COL11A1: variants seen among roughly 807,000 people sequenced by gnomAD.
The protein encoded by COL11A1 is collagen type XI alpha 1 chain.
COL11A1 carries 74 observed loss-of-function variants against 265.2 expected under a neutral mutation model. The ratio of observed to expected loss-of-function variants is 0.28; its 90% CI spans 0.23 to 0.34. The LOEUF is 0.34. Among genes scored for constraint, COL11A1 ranks in the 10% least tolerant of loss-of-function variants. The pLI, the probability that COL11A1 is intolerant of heterozygous loss-of-function variation, is 1.00. For missense variants in COL11A1, 2,165 were observed against 2,263.6 expected, an observed-to-expected ratio of 0.96 and a Z score of 0.88; for synonymous variants, 816 against 727.6, an observed-to-expected ratio of 1.12 and a Z score of -1.96.
At position 102,914,397 on chromosome 1, in the gene COL11A1, A is replaced by T; in HGVS notation, c.3933T>A (p.Val1311=). The T allele has an allele frequency of 6.2e-7, 1 of 1,607,822 alleles. No individual in the cohort carries two copies. Among genetic ancestry groups the T allele is most frequent in the Non-Finnish European group, 8.5e-7 (1 of 1,176,150 alleles). Residue 1311 remains valine, a synonymous_variant, in exon 52 of 67, where the codon GTT becomes GTA. Transcript: ENST00000370096. ...DDGPKGNPGP[V]GFPGDPGPPG... is the part of the protein sequence containing the mutation. ...GAGGACCAGGATCTCCAGGAAAACC[A>T]ACAGGACCCTAGAATGACGTTTTGA... is the stretch of plus-strand genomic sequence containing the variant.
chr1:103,046,804 A>C (rs1011897279), intron 4 of COL11A1, among the ~76,000 whole-genome samples: 2 of 151,372 alleles, frequency 1.3e-5, no homozygotes, highest in African/African-American at 2.4e-5. Context: ...GAAGGGATCC[A>C]GTTTCAGCTT....
intron 4 of COL11A1, among the ~76,000 whole-genome samples, chr1:103,039,162 C>G (rs1668615021): frequency 6.6e-6 from 1 of 152,146 alleles, no homozygotes. Flanking sequence ...AACTGTATCT[C>G]TCCTATACCT....
At chr1:102,895,445 T>A (rs1324762083) in intron 57 of COL11A1, among the ~76,000 whole-genome samples, 2 of 152,034 alleles carry the variant, frequency 1.3e-5, no homozygotes, top group Non-Finnish European at 2.9e-5. Context: ...AACAATACAG[T>A]AGGTAGTTAC....
intron 4 of COL11A1, among the ~76,000 whole-genome samples, chr1:103,051,559 G>A (rs1174991810): frequency 6.6e-6 from 1 of 152,204 alleles, no homozygotes; most frequent in African/African-American, 2.4e-5. Context: ...TCCCGGGTAA[G>A]GTGATGCCTC....
intron 4 of COL11A1, among the ~76,000 whole-genome samples, chr1:103,037,766 T>A (rs951414): frequency 0.038 from 5,862 of 152,280 alleles, 127 homozygotes; most frequent in Middle Eastern, 0.099. Flanking sequence ...TCTAAACTTT[T>A]AATATTAACA....
In COL11A1 at chr1:102,987,742, T is replaced by C. The variant is rs1453316030; in HGVS notation, c.2395-2A>G. ...TGGGCCAATTTGACCAACTTCTCCC[T>C]GAGGCACAGAATAACAACATTCTTA... is the stretch of plus-strand genomic sequence containing the variant. On this transcript the variant is annotated splice_acceptor_variant, in intron 29 of 66. Coordinates refer to ENST00000370096, the MANE Select transcript of COL11A1 (RefSeq NM_001854.4). LOFTEE classifies it high-confidence loss of function. The C allele has an allele frequency of 1.2e-6, 2 of 1,608,660 alleles. No individual in the cohort carries two copies. The highest frequency in any genetic ancestry group is 1.7e-6 in the Non-Finnish European group (2 of 1,175,392).
intron 35 of COL11A1, among the ~76,000 whole-genome samples, chr1:102,975,946 T>TA (rs1469183432): frequency 6.6e-6 from 1 of 152,090 alleles, no homozygotes; most frequent in Non-Finnish European, 1.5e-5. Context: ...ACTTCAAAGT[T>TA]ATATATAAAG....
intron 36 of COL11A1, among the ~76,000 whole-genome samples, chr1:102,971,104 GGA>G (rs1245904138): frequency 6.6e-6 from 1 of 151,346 alleles, no homozygotes; most frequent in African/African-American, 2.4e-5. Flanking sequence ...TTCAAGTAAA[GGA>G]AACAATACGT....
At chr1:103,091,035 C>T (rs991540668) in intron 1 of COL11A1, among the ~76,000 whole-genome samples, 2 of 152,106 alleles carry the variant, frequency 1.3e-5, no homozygotes, top group African/African-American at 2.4e-5. Flanking sequence ...TCTATATTTT[C>T]ATGCTCAGCA....
chr1:103,108,394 CG>C lies in COL11A1; in HGVS notation c.-217del. ...CTCCCTCTGAGTTGGCCCCACCGGC[CG>C]GGACCCTCCGGCCGCGACCCTCTGA... On this transcript the variant is annotated 5_prime_UTR_variant, in exon 1 of 67. Transcript: ENST00000370096. 1.6e-6 allele frequency: 1 copy of C among 615,174 alleles called. No individual in the cohort carries two copies. The highest frequency in any genetic ancestry group is 2.7e-5 in the Admixed American group (1 of 37,192). The allele number at this position is 615,174 out of a possible 1,614,324, so 38.1% of individuals were successfully genotyped here. A position where few individuals can be genotyped will look rare whatever the true frequency, so the allele number is the denominator to read the frequency against.
chr1:102,886,017 T>G lies in COL11A1; in HGVS notation c.4858+790A>C, dbSNP rs534674337. ...CATTGAGTTACTTAGATCACAGTTA[T>G]AACTGACATTATATGATTGGTAGTG... On this transcript the variant is annotated intron_variant, in intron 63 of 66. Coordinates refer to ENST00000370096, the MANE Select transcript of COL11A1 (RefSeq NM_001854.4). 5.3e-4 allele frequency among the ~76,000 whole-genome samples: 80 copies of G among 152,276 alleles called. 2 individuals are homozygous for G. In the South Asian group the frequency reaches 0.016, roughly 30 times the overall value.
intron 4 of COL11A1, among the ~76,000 whole-genome samples, chr1:103,039,531 G>C (rs1333027810): frequency 6.7e-6 from 1 of 149,234 alleles, no homozygotes; most frequent in Non-Finnish European, 1.5e-5. Context: ...ACACACAGAG[G>C]AAAGACCATG....
intron 38 of COL11A1, 95 bp from the exon 39 acceptor site, chr1:102,962,855 T>G (rs1167422259): frequency 2.7e-6 from 3 of 1,110,424 alleles, no homozygotes; most frequent in African/African-American, 3.1e-5. Flanking sequence ...TTACAAAAGT[T>G]TATCATCCTC....
chr1:103,028,022 TTTTTG>T (rs554819260), intron 5 of COL11A1, among the ~76,000 whole-genome samples: 8 of 151,758 alleles, frequency 5.3e-5, no homozygotes, highest in Non-Finnish European at 8.8e-5. Context: ...GTTTGTTTGT[TTTTTG>T]TTTTGTTTTG....
intron 57 of COL11A1, among the ~76,000 whole-genome samples, chr1:102,894,730 A>G (rs1652200100): frequency 6.6e-6 from 1 of 152,172 alleles, no homozygotes; most frequent in South Asian, 2.1e-4. Flanking sequence ...TTATTTATAT[A>G]GGCTGATCAT....
At chr1:102,901,263 T>G (rs898644074) in intron 54 of COL11A1, among the ~76,000 whole-genome samples, 2 of 149,356 alleles carry the variant, frequency 1.3e-5, no homozygotes, top group Admixed American at 6.8e-5. Context: ...GAACTTGCAG[T>G]GAGCCGAGAT....
At chr1:102,923,930 C>T (rs1243628791) in intron 46 of COL11A1, among the ~76,000 whole-genome samples, 2 of 151,724 alleles carry the variant, frequency 1.3e-5, no homozygotes, top group East Asian at 1.9e-4. Flanking sequence ...TCTTTCAGGC[C>T]GGGCGCAGTG....
chr1:102,920,010 G>T (rs1490263620), intron 49 of COL11A1, among the ~76,000 whole-genome samples: 3 of 151,884 alleles, frequency 2.0e-5, no homozygotes, highest in African/African-American at 2.4e-5. Context: ...GAAATTACAG[G>T]AATCCTCTAG....
intron 15 of COL11A1, 56 bp downstream of exon 15, chr1:103,008,407 T>A (rs569390537): frequency 7.1e-7 from 1 of 1,415,086 alleles, no homozygotes; most frequent in South Asian, 1.2e-5. Flanking sequence ...CTCGAAGGAA[T>A]TATGCTGTAT....
Sources: gnomAD v4.1 joint callset for allele counts (sites outside exome capture counted in the v4.1 genomes callset) on GRCh38, gnomAD v4.1.1 for gene constraint, MANE v1.5 for transcripts, NCBI Gene and HGNC (gene_info 2026-07-23, HGNC 2026-07-21) for gene names.